Variants in PPP2R5C observed in about 807,000 individuals in gnomAD.
The protein encoded by PPP2R5C is serine/threonine-protein phosphatase 2A 56 kDa regulatory subunit gamma isoform.
Under a neutral mutation model 68.9 loss-of-function variants are expected in PPP2R5C, and 7 were observed. The ratio of observed to expected loss-of-function variants is 0.10; its 90% CI spans 0.06 to 0.19. The LOEUF is 0.19. Ranked by LOEUF, PPP2R5C falls within the 10% of genes least tolerant of loss-of-function variation. The pLI is 1.00. For synonymous variants in PPP2R5C, 210 were observed against 222.2 expected, an observed-to-expected ratio of 0.95 and a Z score of 0.49; for missense variants, 348 against 641.3, an observed-to-expected ratio of 0.54 and a Z score of 4.94.
intron 1 of PPP2R5C, chr14:101,820,663 A>G (rs994505117): frequency 6.6e-6 from 1 of 152,226 alleles, no homozygotes; most frequent in Middle Eastern, 3.2e-3. Context: ...TTCTTTACAT[A>G]TACTTGAACC....
intron 8 of PPP2R5C, among the ~76,000 whole-genome samples, chr14:101,895,487 T>C (rs946612827): frequency 4.6e-5 from 7 of 152,162 alleles, no homozygotes; most frequent in African/African-American, 1.4e-4. Context: ...TCTCCCTCCC[T>C]CTGGCCCCTG....
chr14:101,812,735 A>G (rs1447918420), intron 1 of PPP2R5C, among the ~76,000 whole-genome samples: 3 of 152,106 alleles, frequency 2.0e-5, no homozygotes, highest in Non-Finnish European at 2.9e-5. Context: ...ATTGATCCAT[A>G]CCACATGCCA....
intron 2 of PPP2R5C, among the ~76,000 whole-genome samples, chr14:101,774,390 CAAT>C (rs2037309302): frequency 6.6e-6 from 1 of 152,132 alleles, no homozygotes; most frequent in Non-Finnish European, 1.5e-5. Flanking sequence ...CTCAGTTTAC[CAAT>C]GTTCTGCAGA....
chr14:101,778,782 C>T (rs773867412), intron 2 of PPP2R5C, among the ~76,000 whole-genome samples: 2 of 152,128 alleles, frequency 1.3e-5, no homozygotes, highest in South Asian at 2.1e-4. Context: ...AGGCTGGGTG[C>T]GGTGGCTCAC....
intron 2 of PPP2R5C, among the ~76,000 whole-genome samples, chr14:101,771,024 A>G (rs2037117336): frequency 6.6e-6 from 1 of 152,192 alleles, no homozygotes; most frequent in African/African-American, 2.4e-5. Context: ...ATCACCTCAC[A>G]CGTTCCTATC....
intron 13 of PPP2R5C, among the ~76,000 whole-genome samples, chr14:101,924,513 G>C (rs186164172): frequency 6.9e-6 from 1 of 144,198 alleles, no homozygotes; most frequent in Admixed American, 7.4e-5. Flanking sequence ...TGCAATCTCG[G>C]CTCACTGCAA....
upstream of PPP2R5C, chr14:101,760,754 G>C: frequency 8.1e-6 from 7 of 864,290 alleles, no homozygotes; most frequent in Non-Finnish European, 9.3e-6. Flanking sequence ...TCGAGGGGAG[G>C]GGCTGGTCGA....
At chr14:101,900,076 A>G (rs1470250097) in intron 8 of PPP2R5C, among the ~76,000 whole-genome samples, 1 of 151,858 alleles carries the variant, frequency 6.6e-6, no homozygotes, top group Non-Finnish European at 1.5e-5. Context: ...GTGTAGAGAC[A>G]GGACCTCACC....
Position 101,767,944 on chromosome 14 carries a change from A to G in PPP2R5C, c.93+4974A>G, listed in dbSNP as rs570508743. On this transcript the variant is annotated intron_variant, in intron 2 of 14. Coordinates refer to the PPP2R5C transcript ENST00000328724. Reference sequence around the variant, plus strand: ...ATTCCTGTCCTACATCACAAGCTGCAAGGTCGGTAGACCCCAGGTACCTCC... The same window carrying G: ...ATTCCTGTCCTACATCACAAGCTGCGAGGTCGGTAGACCCCAGGTACCTCC... 2.2e-3 allele frequency among the ~76,000 whole-genome samples: 330 copies of G among 152,282 alleles called. 2 individuals carry two copies. Among genetic ancestry groups the G allele is most frequent in the South Asian group, 3.5e-3 (17 of 4,826 alleles).
intron 1 of PPP2R5C, chr14:101,820,446 G>C (rs1361294626): frequency 1.3e-5 from 2 of 152,216 alleles, no homozygotes; most frequent in Non-Finnish European, 2.9e-5. Flanking sequence ...CGTGGGTGAA[G>C]AGCCACCAAA....
intron 3 of PPP2R5C, among the ~76,000 whole-genome samples, chr14:101,801,936 A>G (rs2038878132): frequency 6.6e-6 from 1 of 152,254 alleles, no homozygotes; most frequent in Non-Finnish European, 1.5e-5. Context: ...CCTGACTTTA[A>G]AACTTACAGC....
At chr14:101,922,421 G>A (rs59866067) in intron 13 of PPP2R5C, among the ~76,000 whole-genome samples, 29,625 of 151,780 alleles carry the variant, frequency 0.2, 4,668 homozygotes, top group African/African-American at 0.43. Context: ...CCCAGGAGGT[G>A]GAGGTTGCAG....
In PPP2R5C at chr14:101,823,816, A is replaced by G. The variant is rs985332840; in HGVS notation, c.94+13780A>G. ...GCAGGTTTCTTTATCACAGGGATCTATCTACACGGTACTTTCTGCTCTCAG... is the reference window on the plus strand; with the variant it reads ...GCAGGTTTCTTTATCACAGGGATCTGTCTACACGGTACTTTCTGCTCTCAG... On this transcript the variant is annotated intron_variant, in intron 1 of 13. Transcript: ENST00000334743. 4 of 1,180,618 alleles carry G rather than the reference A, an allele frequency of 3.4e-6. No homozygotes were observed. The South Asian group carries it at 4.7e-5, about 14-fold the overall frequency. The allele number at this position is 1,180,618 out of a possible 1,614,324, so 73.1% of individuals were successfully genotyped here. A position where few individuals can be genotyped will look rare whatever the true frequency, so the allele number is the denominator to read the frequency against.
chr14:101,917,467 G>GTTCCAGTGGTGAGACAGC lies in PPP2R5C; in HGVS notation c.1327-362_1327-345dup, dbSNP rs1167294761. Reference sequence around the variant, plus strand: ...AAAGAATGGGCGGCCAGAGGTGAGGGTTCCAGTGGTGAGACAGCTCCCACC... The same window carrying GTTCCAGTGGTGAGACAGC: ...AAAGAATGGGCGGCCAGAGGTGAGGGTTCCAGTGGTGAGACAGCTTCCAGTGGTGAGACAGCTCCCACC... On this transcript the variant is annotated intron_variant, in intron 12 of 13. Transcript: ENST00000334743. This position sits in a 1 kb window ranked among gnomAD's most constrained non-coding sequence, Gnocchi z 4.4. 2.6e-5 allele frequency among the ~76,000 whole-genome samples: 4 copies of GTTCCAGTGGTGAGACAGC among 152,276 alleles called. No individual in the cohort carries two copies. The East Asian group carries it at 7.7e-4, about 29-fold the overall frequency.
intron 2 of PPP2R5C, among the ~76,000 whole-genome samples, chr14:101,777,254 C>T (rs1240629340): frequency 1.3e-5 from 2 of 152,176 alleles, no homozygotes; most frequent in Non-Finnish European, 1.5e-5. Flanking sequence ...GAATAATGCG[C>T]TGTGAACATT....
chr14:101,847,809 C>T (rs1364314439), intron 1 of PPP2R5C, among the ~76,000 whole-genome samples: 3 of 152,172 alleles, frequency 2.0e-5, no homozygotes, highest in Admixed American at 6.5e-5. Context: ...ACTACAGGCA[C>T]ATGCCACCAC....
intron 3 of PPP2R5C, among the ~76,000 whole-genome samples, chr14:101,795,712 A>G (rs1219260848): frequency 6.6e-6 from 1 of 152,218 alleles, no homozygotes; most frequent in Non-Finnish European, 1.5e-5. Context: ...TCATTACATT[A>G]TTGTTAGAAT....
chr14:101,899,419 G>A lies in PPP2R5C; in HGVS notation c.853-2300G>A, dbSNP rs1321714043. 1.3e-5 allele frequency among the ~76,000 whole-genome samples: 2 copies of A among 152,184 alleles called. No individual in the cohort carries two copies. Among genetic ancestry groups the A allele is most frequent in the South Asian group, 2.1e-4 (1 of 4,828 alleles). On this transcript the variant is annotated intron_variant, in intron 8 of 13. Coordinates refer to ENST00000334743, the Ensembl canonical transcript of PPP2R5C. This position sits in a 1 kb window ranked among gnomAD's most constrained non-coding sequence, Gnocchi z 4.2. ...TCGGGGCCTTGTGCTGCACCCAGCA[G>A]CACACAGCCATTGTTGCCTCGGATT...
chr14:101,841,603 G>T (rs192432712), intron 1 of PPP2R5C, among the ~76,000 whole-genome samples: 1 of 152,248 alleles, frequency 6.6e-6, no homozygotes, highest in African/African-American at 2.4e-5. Context: ...GAGGAGGTGG[G>T]GCGAGGAAAG....
Sources: gnomAD v4.1 joint callset for allele counts (sites outside exome capture counted in the v4.1 genomes callset) on GRCh38, gnomAD v4.1.1 for gene constraint, Gnocchi (gnomAD v3.1) non-coding constraint, MANE v1.5 for transcripts, NCBI Gene and HGNC (gene_info 2026-07-23, HGNC 2026-07-21) for gene names.